The following TSNARE1 variants were observed in gnomAD, a reference collection of about 807,000 sequenced individuals.
TSNARE1 encodes the protein t-SNARE domain containing 1, also known as t-SNARE domain-containing protein 1.
TSNARE1 carries 49 observed loss-of-function variants against 62.0 expected under a neutral mutation model. That is an observed-to-expected ratio of 0.79 (90% CI 0.63 to 1.00). The LOEUF (loss-of-function observed/expected upper bound fraction) is 1.00. TSNARE1 is among the 50% of genes least tolerant of loss of function. The pLI is 0.00. For missense variants in TSNARE1, 755 were observed against 700.1 expected (o/e 1.08, Z -0.88); for synonymous variants, 328 against 294.4 (o/e 1.11, Z -1.17).
chr8:142,390,896 CAGACGCTGTACACTGCTGGGGACTCT>C, intron 1 of TSNARE1, among the ~76,000 whole-genome samples: 1 of 106,230 alleles, frequency 9.4e-6, no homozygotes, highest in Non-Finnish European at 2.0e-5. Flanking sequence ...GACTCTGTAA[CAGACGCTGTACACTGCTGGGGACTCT>C]GTAACAGACG....
intron 3 of TSNARE1, 71 bp downstream of exon 3, chr8:142,345,672 G>A: frequency 2.1e-6 from 3 of 1,454,956 alleles, no homozygotes; most frequent in Non-Finnish European, 2.7e-6. Flanking sequence ...TGCTGACCCT[G>A]CCCTCCTCAG....
intron 1 of TSNARE1, among the ~76,000 whole-genome samples, chr8:142,388,677 C>T (rs539235189): frequency 6.6e-6 from 1 of 151,518 alleles, no homozygotes; most frequent in East Asian, 2.0e-4. Context: ...CTTGACTCAG[C>T]CTCCTGAGTA....
At chr8:142,356,245 G>A (rs1179138712) in intron 1 of TSNARE1, among the ~76,000 whole-genome samples, 4 of 152,164 alleles carry the variant, frequency 2.6e-5, no homozygotes, top group East Asian at 1.9e-4. Context: ...GAAAACACCC[G>A]GCCCCACGCA....
intron 11 of TSNARE1, 24 bp downstream of exon 11, chr8:142,284,389 C>A (rs779414617): frequency 3.7e-6 from 6 of 1,605,472 alleles, no homozygotes; most frequent in Non-Finnish European, 4.3e-6. Flanking sequence ...CAGCAGGTGG[C>A]CCGAGGCTGG....
At chr8:142,237,160 G>GCA (rs67986030) in intron 12 of TSNARE1, among the ~76,000 whole-genome samples, 1,266 of 107,802 alleles carry the variant, frequency 0.012, 39 homozygotes, top group Admixed American at 0.063. Flanking sequence ...CCCCTCCTGC[G>GCA]GCCCGACTCA....
At chr8:142,380,253 C>T (rs1836638571) in intron 1 of TSNARE1, among the ~76,000 whole-genome samples, 1 of 152,222 alleles carries the variant, frequency 6.6e-6, no homozygotes, top group South Asian at 2.1e-4. Flanking sequence ...ATGGGGAGGC[C>T]GGGCCTTGCC....
chr8:142,322,407 A>G (rs977184086), intron 6 of TSNARE1, among the ~76,000 whole-genome samples: 9 of 152,248 alleles, frequency 5.9e-5, no homozygotes, highest in African/African-American at 9.6e-5. Flanking sequence ...TCTTCATACT[A>G]TAAGTTTACC....
chr8:142,224,235 G>A (rs967173178), intron 13 of TSNARE1, among the ~76,000 whole-genome samples: 1 of 152,356 alleles, frequency 6.6e-6, no homozygotes, highest in African/African-American at 2.4e-5. Flanking sequence ...CTCCAATACA[G>A]AGACCAGAGC....
At chr8:142,307,053 C>T (rs1435983096) in intron 9 of TSNARE1, among the ~76,000 whole-genome samples, 1 of 152,218 alleles carries the variant, frequency 6.6e-6, no homozygotes, top group Non-Finnish European at 1.5e-5. Context: ...GAAATGGAAT[C>T]CCACAGTCTA....
At chr8:142,318,705 C>T (rs987634227) in intron 6 of TSNARE1, 71 bp from the exon 7 acceptor site, 28 of 1,519,504 alleles carry the variant, frequency 1.8e-5, no homozygotes, top group Middle Eastern at 1.9e-4. Flanking sequence ...CCCAGAAGGA[C>T]GGAGCAAGCA....
chr8:142,353,909 G>A (rs1368417016), intron 2 of TSNARE1, among the ~76,000 whole-genome samples: 1 of 138,058 alleles, frequency 7.2e-6, no homozygotes, highest in Non-Finnish European at 1.5e-5. Flanking sequence ...TGGGTGGAGA[G>A]AGGTACGCAA....
intron 1 of TSNARE1, chr8:142,366,023 A>G: frequency 5.2e-6 from 2 of 387,734 alleles, no homozygotes; most frequent in South Asian, 3.6e-5. Context: ...GGACACTGAA[A>G]ATGAAGGATT....
rs557794240 is a variant in TSNARE1 at position 142,279,406 on chromosome 8, C to T, written c.1364-4543G>A. Among the ~76,000 whole-genome samples, 8 of 152,210 alleles carry T rather than the reference C, an allele frequency of 5.3e-5. No individual in the cohort carries two copies. The South Asian group carries it at 8.3e-4, about 16-fold the overall frequency. On this transcript the variant is annotated intron_variant, in intron 11 of 13. Coordinates refer to ENST00000524325, the MANE Select transcript of TSNARE1 (RefSeq NM_145003.5). ...CTGGGCTGCACCCGCTGCTGCTGCA[C>T]GTCGGGGAGCTCAGGCCTTGTCTCT...
At position 142,330,983 on chromosome 8, in the gene TSNARE1, A is replaced by T. The variant is rs1224636208; in HGVS notation, c.824-13T>A. 1.2e-6 allele frequency: 2 copies of T among 1,613,668 alleles called. No homozygotes were observed. The highest frequency in any genetic ancestry group is 3.3e-5 in the Admixed American group (2 of 60,012). On this transcript the variant is annotated splice_polypyrimidine_tract_variant and intron_variant, in intron 5 of 13. Transcript: ENST00000524325. ...TCCAAGGAGGTCACTGCCCGAGAGA[A>T]GAGGGACAGGGTGAGGGCAGAAGGA...
At chr8:142,218,266 G>GGTGTAAGCAGGATCAGGGTTCAGT (rs1563751566) in intron 13 of TSNARE1, among the ~76,000 whole-genome samples, 1 of 149,218 alleles carries the variant, frequency 6.7e-6, no homozygotes, top group African/African-American at 2.5e-5. Context: ...TCAGGCTCAG[G>GGTGTAAGCAGGATCAGGGTTCAGT]GTGTGGCCAG....
intron 12 of TSNARE1, among the ~76,000 whole-genome samples, chr8:142,261,144 A>G (rs1818864423): frequency 1.0e-5 from 1 of 95,394 alleles, no homozygotes; most frequent in Admixed American, 9.9e-5. Flanking sequence ...GGGAAGGAGG[A>G]AAGAGGTAGA....
chr8:142,341,531 C>T (rs1356874022), intron 4 of TSNARE1, among the ~76,000 whole-genome samples: 4 of 152,318 alleles, frequency 2.6e-5, no homozygotes, highest in Middle Eastern at 3.4e-3. Context: ...AAGCAGAGTG[C>T]GCACCTGGGG....
intron 7 of TSNARE1, among the ~76,000 whole-genome samples, chr8:142,315,482 C>A (rs1586751281): frequency 6.6e-6 from 1 of 152,248 alleles, no homozygotes; most frequent in South Asian, 2.1e-4. Context: ...TCCCCCTCCC[C>A]AGCATCTCGC....
intron 13 of TSNARE1, among the ~76,000 whole-genome samples, chr8:142,214,714 T>G (rs1216660996): frequency 6.6e-6 from 1 of 152,154 alleles, no homozygotes; most frequent in Non-Finnish European, 1.5e-5. Context: ...GGGTGGGGCC[T>G]CTGGGAAGTG....
Sources: gnomAD v4.1 joint callset for allele counts (sites outside exome capture counted in the v4.1 genomes callset) on GRCh38, gnomAD v4.1.1 for gene constraint, MANE v1.5 for transcripts, NCBI Gene and HGNC (gene_info 2026-07-23, HGNC 2026-07-21) for gene names.